The following SPON2 variants were observed in gnomAD, a reference collection of about 807,000 sequenced individuals.
SPON2 encodes the protein spondin-2.
Under a neutral mutation model 29.9 loss-of-function variants are expected in SPON2, and 32 were observed. The ratio of observed to expected loss-of-function variants is 1.07; its 90% CI spans 0.81 to 1.44. The LOEUF is 1.44. Ranked by LOEUF, SPON2 falls within the 40% of genes most tolerant of loss-of-function variation. The pLI is 0.00. For missense variants in SPON2, 541 were observed against 455.5 expected (o/e 1.19, Z -1.71); for synonymous variants, 248 against 209.1 (o/e 1.19, Z -1.61).
At chr4:1,182,581 A>G (rs1727717445) in intron 1 of SPON2, among the ~76,000 whole-genome samples, 1 of 152,244 alleles carries the variant, frequency 6.6e-6, no homozygotes, top group African/African-American at 2.4e-5. Flanking sequence ...AAATGAACAA[A>G]GCCTAAGAAA....
chr4:1,195,153 G>A (rs1338965170), upstream of SPON2: 1 of 151,862 alleles, frequency 6.6e-6, no homozygotes, highest in African/African-American at 2.4e-5. Flanking sequence ...ACCACAGGGA[G>A]GGCGCCCCAG....
chr4:1,183,250 A>C (rs955882604), intron 1 of SPON2, among the ~76,000 whole-genome samples: 7 of 151,086 alleles, frequency 4.6e-5, no homozygotes, highest in African/African-American at 1.7e-4. Flanking sequence ...CAAAAAAAAA[A>C]AAAAACAAAA....
chr4:1,198,180 C>T (rs981525013), upstream of SPON2, among the ~76,000 whole-genome samples: 3 of 152,162 alleles, frequency 2.0e-5, no homozygotes, highest in African/African-American at 7.2e-5. Context: ...AATGATGAGA[C>T]AGCCCGCTCG....
At chr4:1,172,796 A>C (rs1196640988), upstream of SPON2, 3 of 151,538 alleles carry the variant, frequency 2.0e-5, no homozygotes, top group Admixed American at 1.3e-4. Flanking sequence ...CCCGGGTCGG[A>C]TCACCCTCTT....
chr4:1,170,425 T>C lies in SPON2; in HGVS notation c.788A>G (p.Asn263Ser), dbSNP rs776796647. 4 of 1,613,692 alleles carry C rather than the reference T, an allele frequency of 2.5e-6. No homozygotes were observed. The Admixed American group carries it at 6.7e-5, about 27-fold the overall frequency. Residue 263 changes from asparagine (N) to serine (S), a missense_variant, in exon 5 of 6, where the codon AAT becomes AGT. Coordinates refer to ENST00000290902, the MANE Select transcript of SPON2 (RefSeq NM_012445.4). ...PPAPVLPSRD[N>S]EIVDSASVPE... ...ACCTGAGGCGCTGTCTACAATCTCA[T>C]TGTCCCTGCTGGGCAGGACTGGGGC...
At chr4:1,198,670 C>T (rs184412472), upstream of SPON2, among the ~76,000 whole-genome samples, 3 of 152,140 alleles carry the variant, frequency 2.0e-5, no homozygotes, top group Admixed American at 6.5e-5. Flanking sequence ...AACACAGCGT[C>T]GGCAGCATCG....
chr4:1,169,093 C>T (rs1298915715), intron 5 of SPON2, among the ~76,000 whole-genome samples: 1 of 152,018 alleles, frequency 6.6e-6, no homozygotes, highest in East Asian at 1.9e-4. Context: ...CCACCCTTCC[C>T]CTGCAATACT....
At chr4:1,207,099 C>T (rs924559510) in intron 1 of SPON2, among the ~76,000 whole-genome samples, 2 of 152,016 alleles carry the variant, frequency 1.3e-5, no homozygotes, top group South Asian at 4.2e-4. Context: ...GGGCAGTGCC[C>T]GGGAGGCACT....
At chr4:1,170,102 C>T in intron 5 of SPON2, 1 of 330,374 alleles carries the variant, frequency 3.0e-6, no homozygotes, top group Non-Finnish European at 5.6e-6. Context: ...CTGTGACACA[C>T]AGGTCACCTG....
intron 1 of SPON2, among the ~76,000 whole-genome samples, chr4:1,185,973 G>C (rs7659260): frequency 3.3e-5 from 5 of 150,994 alleles, no homozygotes; most frequent in South Asian, 2.1e-4. Flanking sequence ...GGCCGGGCGT[G>C]GTGGCTCACG....
At chr4:1,185,486 T>C (rs1443666915) in intron 1 of SPON2, among the ~76,000 whole-genome samples, 1 of 151,306 alleles carries the variant, frequency 6.6e-6, no homozygotes, top group East Asian at 2.0e-4. Flanking sequence ...GGCGAGCGGA[T>C]CACCTGAGGT....
upstream of SPON2, among the ~76,000 whole-genome samples, chr4:1,174,261 C>G (rs766722160): frequency 6.6e-6 from 1 of 150,508 alleles, no homozygotes; most frequent in African/African-American, 2.5e-5. Context: ...CCAGGGCGGG[C>G]GGATCACTTG....
intron 1 of SPON2, 153 bp from the exon 2 acceptor site, chr4:1,172,227 C>T: frequency 4.5e-6 from 3 of 660,094 alleles, no homozygotes; most frequent in Admixed American, 2.9e-5. Flanking sequence ...GCGGTGCTTC[C>T]GAGACCCCCA....
chr4:1,170,786 C>G, intron 4 of SPON2: 2 of 946,852 alleles, frequency 2.1e-6, no homozygotes, highest in Non-Finnish European at 3.3e-6. Context: ...ACGCGCGTCC[C>G]GCTGTCCTCC....
intron 2 of SPON2, 113 bp from the exon 3 acceptor site, chr4:1,171,599 C>T: frequency 8.6e-7 from 1 of 1,160,612 alleles, no homozygotes; most frequent in Non-Finnish European, 1.2e-6. Context: ...AACCATGGCC[C>T]CCAGTCACGT....
chr4:1,194,720 G>C (rs1379388999), intron 1 of SPON2, among the ~76,000 whole-genome samples: 1 of 152,072 alleles, frequency 6.6e-6, no homozygotes, highest in Non-Finnish European at 1.5e-5. Flanking sequence ...GGTTTCTGCC[G>C]GGCGCGGGGG....
chr4:1,171,814 C>T (rs200210532), intron 2 of SPON2, 38 bp downstream of exon 2: 17 of 1,502,198 alleles, frequency 1.1e-5, no homozygotes, highest in Admixed American at 1.7e-5. Context: ...CCGCAGCCCT[C>T]CTGGTGGAGC....
chr4:1,181,528 T>TG (rs1218769432), intron 1 of SPON2, among the ~76,000 whole-genome samples: 1 of 152,220 alleles, frequency 6.6e-6, no homozygotes, highest in East Asian at 1.9e-4. Context: ...ACCAGAAATA[T>TG]GTTTCCCTAC....
At chr4:1,199,745 T>A (rs1452399147), upstream of SPON2, 3 of 152,368 alleles carry the variant, frequency 2.0e-5, no homozygotes, top group African/African-American at 7.2e-5. This position sits in a 1 kb window ranked among gnomAD's most constrained non-coding sequence, Gnocchi z 4.5. Flanking sequence ...TTCTACTGGG[T>A]GCAGAAATGC....
Sources: gnomAD v4.1 joint callset for allele counts (sites outside exome capture counted in the v4.1 genomes callset) on GRCh38, gnomAD v4.1.1 for gene constraint, Gnocchi (gnomAD v3.1) non-coding constraint, MANE v1.5 for transcripts, NCBI Gene and HGNC (gene_info 2026-07-23, HGNC 2026-07-21) for gene names.